The following EPM2A variants were observed in gnomAD, a reference collection of about 807,000 sequenced individuals.
EPM2A encodes laforin.
EPM2A carries 21 observed loss-of-function variants against 26.5 expected under a neutral mutation model. The observed-to-expected ratio is 0.79, with a 90% CI of 0.56 to 1.14. The LOEUF is 1.14. Ranked by LOEUF, EPM2A falls within the 50% of genes most tolerant of loss-of-function variation. The pLI is 0.00. For synonymous variants in EPM2A, 217 were observed against 177.6 expected, an observed-to-expected ratio of 1.22 and a Z score of -1.76; for missense variants, 458 against 440.8, an observed-to-expected ratio of 1.04 and a Z score of -0.35.
At chr6:145,592,794 A>G (rs1781292667) in intron 2 of EPM2A, among the ~76,000 whole-genome samples, 2 of 152,176 alleles carry the variant, frequency 1.3e-5, no homozygotes, top group South Asian at 4.1e-4. Context: ...GCTTTTTTAA[A>G]GAAGCATAAT....
At chr6:145,731,434 A>G (rs912511535) in intron 1 of EPM2A, among the ~76,000 whole-genome samples, 1 of 152,232 alleles carries the variant, frequency 6.6e-6, no homozygotes. Flanking sequence ...ACAATTGACT[A>G]CAGAGCACAT....
intron 2 of EPM2A, among the ~76,000 whole-genome samples, chr6:145,575,979 G>A (rs1781025714): frequency 6.6e-6 from 1 of 152,186 alleles, no homozygotes; most frequent in Admixed American, 6.5e-5. Flanking sequence ...GGGACCACAG[G>A]CATGTGCCAC....
chr6:145,418,848 C>A (rs1778743181), intron 4 of EPM2A, among the ~76,000 whole-genome samples: 1 of 152,148 alleles, frequency 6.6e-6, no homozygotes, highest in Admixed American at 6.5e-5. Context: ...CCTGGCTCTT[C>A]CACTTTTCTC....
chr6:145,662,511 A>G (rs1394805960), intron 2 of EPM2A, among the ~76,000 whole-genome samples: 1 of 152,170 alleles, frequency 6.6e-6, no homozygotes, highest in Admixed American at 6.5e-5. Context: ...ATTATGACTG[A>G]TCATGATAGG....
intron 1 of EPM2A, among the ~76,000 whole-genome samples, chr6:145,715,652 G>A (rs776895407): frequency 3.3e-5 from 5 of 152,072 alleles, no homozygotes; most frequent in Non-Finnish European, 5.9e-5. Flanking sequence ...CACATTACGG[G>A]GTGAACTCTG....
chr6:145,718,100 C>G (rs1298613239), intron 1 of EPM2A, among the ~76,000 whole-genome samples: 1 of 151,804 alleles, frequency 6.6e-6, no homozygotes, highest in African/African-American at 2.4e-5. Flanking sequence ...ACTTTCTTCA[C>G]AGAATTGGAA....
intron 1 of EPM2A, among the ~76,000 whole-genome samples, chr6:145,719,701 T>G (rs1775848812): frequency 6.6e-6 from 1 of 152,226 alleles, no homozygotes; most frequent in Non-Finnish European, 1.5e-5. Flanking sequence ...ATAAACATTT[T>G]TTCCCCTCAA....
rs887294047 is a variant in EPM2A, at chr6:145,450,073, G to A, written c.555+52449C>T. Among the ~76,000 whole-genome samples, 9 of 151,768 alleles carry A rather than the reference G, an allele frequency of 5.9e-5. No homozygotes were observed. The South Asian group carries it at 1.2e-3, about 21-fold the overall frequency. On this transcript the variant is annotated intron_variant, in intron 4 of 4. Coordinates refer to the EPM2A transcript ENST00000638717. ...GAGGATGTAGAAAAACTGAAACCAG[G>A]CCTGGTGTGGTGGCTCACACCTGTA...
chr6:145,660,447 A>G (rs919687515), intron 2 of EPM2A, among the ~76,000 whole-genome samples: 1 of 152,228 alleles, frequency 6.6e-6, no homozygotes, highest in African/African-American at 2.4e-5. Context: ...TGAAGGAGAC[A>G]CTAAGCCTTG....
At position 145,506,973 on chromosome 6, in the gene EPM2A, G is replaced by C. The variant is rs983445236; in HGVS notation, c.341-4398C>G. ...GGCCATCCTTAAGCAGTCAACAGGT[G>C]CCTGGTATATGAAATTGTTGAGCTT... On this transcript the variant is annotated intron_variant, in intron 2 of 3. Transcript: ENST00000450221. Among the ~76,000 whole-genome samples, 7 of 152,306 alleles carry C rather than the reference G, an allele frequency of 4.6e-5. No individual in the cohort carries two copies. The East Asian group carries it at 1.4e-3, about 29-fold the overall frequency.
At chr6:145,706,543 C>CT (rs1056227502) in intron 1 of EPM2A, among the ~76,000 whole-genome samples, 8 of 152,122 alleles carry the variant, frequency 5.3e-5, no homozygotes, top group African/African-American at 1.9e-4. Flanking sequence ...TAACGAAAGC[C>CT]TTTATACTAA....
intron 4 of EPM2A, among the ~76,000 whole-genome samples, chr6:145,427,874 T>A (rs1778871390): frequency 6.6e-6 from 1 of 152,186 alleles, no homozygotes; most frequent in African/African-American, 2.4e-5. Flanking sequence ...TTCTCAACTT[T>A]AAATCACATT....
intron 2 of EPM2A, among the ~76,000 whole-genome samples, chr6:145,553,614 A>G (rs919954814): frequency 6.6e-6 from 1 of 152,000 alleles, no homozygotes; most frequent in African/African-American, 2.4e-5. Flanking sequence ...CTGCTCATCA[A>G]TCAGAGCTAG....
intron 3 of EPM2A, among the ~76,000 whole-genome samples, chr6:145,502,088 T>G (rs755191675): frequency 6.6e-5 from 10 of 152,248 alleles, no homozygotes; most frequent in Non-Finnish European, 1.3e-4. Context: ...GAAACACTCT[T>G]AAGCAAAGAA....
intron 4 of EPM2A, among the ~76,000 whole-genome samples, chr6:145,421,618 A>G (rs1467268533): frequency 6.6e-6 from 1 of 151,992 alleles, no homozygotes; most frequent in African/African-American, 2.4e-5. Flanking sequence ...AAAGCAGGAG[A>G]AAAAAAGAGT....
intron 2 of EPM2A, among the ~76,000 whole-genome samples, chr6:145,611,869 A>G (rs1203111768): frequency 6.6e-6 from 1 of 152,156 alleles, no homozygotes; most frequent in Non-Finnish European, 1.5e-5. Context: ...GAAGAAGAAA[A>G]AAAAACACTT....
At chr6:145,543,184 A>G (rs1490521959) in intron 2 of EPM2A, among the ~76,000 whole-genome samples, 1 of 152,218 alleles carries the variant, frequency 6.6e-6, no homozygotes, top group Non-Finnish European at 1.5e-5. Context: ...TAAAAAAGAT[A>G]TAAACAGAAT....
intron 1 of EPM2A, among the ~76,000 whole-genome samples, chr6:145,726,718 C>T (rs1329281487): frequency 6.6e-6 from 1 of 151,988 alleles, no homozygotes; most frequent in Non-Finnish European, 1.5e-5. Context: ...TGCAAAATAC[C>T]TGATGAATAC....
chr6:145,688,005 C>T (rs1309399851), intron 1 of EPM2A, among the ~76,000 whole-genome samples: 1 of 152,010 alleles, frequency 6.6e-6, no homozygotes, highest in Non-Finnish European at 1.5e-5. Flanking sequence ...TACATGCGTA[C>T]AGTAATACTA....
Sources: gnomAD v4.1 joint callset for allele counts (sites outside exome capture counted in the v4.1 genomes callset) on GRCh38, gnomAD v4.1.1 for gene constraint, MANE v1.5 for transcripts, NCBI Gene and HGNC (gene_info 2026-07-23, HGNC 2026-07-21) for gene names.